Variants in UQCC1 observed in about 807,000 individuals in gnomAD.
The protein encoded by UQCC1 is bFGF-repressed Zic-binding protein.
Under a neutral mutation model 48.0 loss-of-function variants are expected in UQCC1, and 38 were observed. That is an observed-to-expected ratio of 0.79 (90% CI 0.61 to 1.04). UQCC1 has a LOEUF of 1.04. Among genes scored for constraint, UQCC1 ranks in the 50% least tolerant of loss-of-function variants. The pLI is 0.00. For synonymous variants in UQCC1, 111 were observed against 129.2 expected (o/e 0.86, Z 0.95); for missense variants, 368 against 381.8 (o/e 0.96, Z 0.30).
intron 6 of UQCC1, among the ~76,000 whole-genome samples, chr20:35,350,139 A>C (rs1165735374): frequency 6.6e-6 from 1 of 152,112 alleles, no homozygotes; most frequent in Non-Finnish European, 1.5e-5. Flanking sequence ...TTGTTTTTTT[A>C]ATTTTAGAGA....
intron 7 of UQCC1, chr20:35,346,442 G>A (rs574448501): frequency 4.8e-5 from 8 of 166,076 alleles, no homozygotes; most frequent in South Asian, 1.7e-4. Flanking sequence ...AAGAAACTCC[G>A]GACACACCAT....
intron 7 of UQCC1, among the ~76,000 whole-genome samples, chr20:35,333,635 G>C (rs1251257846): frequency 6.6e-6 from 1 of 151,170 alleles, no homozygotes; most frequent in Non-Finnish European, 1.5e-5. Context: ...CTCTCCAACA[G>C]GAACAGGGCA....
rs1192775264 is a variant in UQCC1 at position 35,397,211 on chromosome 20, G to GA, written c.25-3016dup. Among the ~76,000 whole-genome samples, 1,114 of 122,726 alleles carry GA rather than the reference G, an allele frequency of 9.1e-3. 9 individuals carry two copies. The highest frequency in any genetic ancestry group is 0.028 in the African/African-American group (916 of 32,598). The allele number at this position is 122,726 out of a possible 152,430, so 80.5% of individuals were successfully genotyped here. The stretch of plus-strand genomic sequence containing the variant: ...GGGAGACTCTGTCTCAAAAAAAAAA[G>GA]AAAAAAAAAAAAAGAAAAATCAGGC... On this transcript the variant is annotated intron_variant, in intron 1 of 9. Coordinates refer to ENST00000374385, the MANE Select transcript of UQCC1 (RefSeq NM_018244.5).
intron 1 of UQCC1, among the ~76,000 whole-genome samples, chr20:35,399,999 C>T (rs1390721434): frequency 6.9e-6 from 1 of 144,772 alleles, no homozygotes; most frequent in African/African-American, 2.6e-5. Context: ...AATCTCGGCT[C>T]ACCGCAACCT....
chr20:35,370,928 G>A (rs1009441937), intron 5 of UQCC1, among the ~76,000 whole-genome samples: 4 of 152,158 alleles, frequency 2.6e-5, no homozygotes, highest in Non-Finnish European at 4.4e-5. Context: ...GCAACCCTGG[G>A]TGAGTCACTT....
intron 7 of UQCC1, chr20:35,346,755 CAG>C: frequency 2.6e-6 from 1 of 378,462 alleles, no homozygotes; most frequent in Non-Finnish European, 4.8e-6. Flanking sequence ...TTCCTGAAGA[CAG>C]TGCAGGCCCC....
intron 7 of UQCC1, chr20:35,346,043 T>C (rs6142349): frequency 0.54 from 82,421 of 152,006 alleles, 23,382 homozygotes; most frequent in East Asian, 0.72. Flanking sequence ...CACCAATCAG[T>C]GCTCTGTGTC....
chr20:35,369,370 A>G (rs1424442087), intron 5 of UQCC1, among the ~76,000 whole-genome samples: 1 of 152,272 alleles, frequency 6.6e-6, no homozygotes, highest in Non-Finnish European at 1.5e-5. Flanking sequence ...AGTTCAATGA[A>G]ATGCATTTAA....
rs989616065 is a variant in UQCC1, at chr20:35,403,371, C to A, written c.24+8569G>T. On this transcript the variant is annotated intron_variant, in intron 1 of 9. Coordinates refer to ENST00000374385, the MANE Select transcript of UQCC1 (RefSeq NM_018244.5). ...TAGACATATATATATTTCCTACCCACGTCCTGGTAGGGCCTGCAGATGACA... is the reference window on the plus strand; with the variant it reads ...TAGACATATATATATTTCCTACCCAAGTCCTGGTAGGGCCTGCAGATGACA... Among the ~76,000 whole-genome samples, 3 of 152,136 alleles carry A rather than the reference C, an allele frequency of 2.0e-5. 1 individual carries two copies. Among genetic ancestry groups the A allele is most frequent in the Non-Finnish European group, 2.9e-5 (2 of 68,024 alleles).
chr20:35,332,338 G>A (rs751221359), intron 7 of UQCC1, among the ~76,000 whole-genome samples: 1 of 152,228 alleles, frequency 6.6e-6, no homozygotes, highest in Non-Finnish European at 1.5e-5. Context: ...GAGCTGAAAG[G>A]TCCTGAGCTC....
At chr20:35,338,963 T>C (rs1329731221) in intron 7 of UQCC1, among the ~76,000 whole-genome samples, 1 of 131,638 alleles carries the variant, frequency 7.6e-6, no homozygotes, top group African/African-American at 3.0e-5. Context: ...TCAGAACCGC[T>C]GAATAGAGAA....
chr20:35,318,247 G>C (rs900609750), intron 7 of UQCC1, among the ~76,000 whole-genome samples: 1 of 152,198 alleles, frequency 6.6e-6, no homozygotes, highest in African/African-American at 2.4e-5. Flanking sequence ...CAATACCCTT[G>C]AGGAAAGGGT....
chr20:35,376,023 G>T (rs1437056325), intron 4 of UQCC1, among the ~76,000 whole-genome samples: 1 of 151,250 alleles, frequency 6.6e-6, no homozygotes, highest in Non-Finnish European at 1.5e-5. Flanking sequence ...ATTAGGTTGG[G>T]TTGTGGTGGC....
chr20:35,338,468 T>C (rs548631911), intron 7 of UQCC1, among the ~76,000 whole-genome samples: 145 of 152,264 alleles, frequency 9.5e-4, no homozygotes, highest in African/African-American at 3.3e-3. Context: ...CTGTATGACC[T>C]TGGCCAAATC....
chr20:35,310,666 A>AAAAAAAAAT (rs1200004845), intron 8 of UQCC1, among the ~76,000 whole-genome samples: 143 of 148,430 alleles, frequency 9.6e-4, no homozygotes, highest in Non-Finnish European at 1.8e-3. Context: ...AAAAAAAAAA[A>AAAAAAAAAT]AATTGGGAAG....
chr20:35,404,321 G>A (rs187547048), intron 1 of UQCC1, among the ~76,000 whole-genome samples: 246 of 151,344 alleles, frequency 1.6e-3, no homozygotes, highest in African/African-American at 5.7e-3. Context: ...AGTGAGCCGA[G>A]ATTGCACCAC....
At chr20:35,342,338 T>A (rs531455373) in intron 7 of UQCC1, among the ~76,000 whole-genome samples, 7 of 152,362 alleles carry the variant, frequency 4.6e-5, no homozygotes, top group Non-Finnish European at 8.8e-5. Context: ...TTAGCCAGCC[T>A]AAGGTTACCA....
At chr20:35,362,505 C>T (rs2061617384) in intron 6 of UQCC1, among the ~76,000 whole-genome samples, 1 of 152,006 alleles carries the variant, frequency 6.6e-6, no homozygotes, top group Non-Finnish European at 1.5e-5. Flanking sequence ...TACAGGTGCC[C>T]GCCACCATGC....
intron 4 of UQCC1, among the ~76,000 whole-genome samples, chr20:35,376,060 C>A (rs554732336): frequency 6.6e-6 from 1 of 151,734 alleles, no homozygotes; most frequent in African/African-American, 2.4e-5. Flanking sequence ...CTAATCCCAG[C>A]ACTTTGAGAG....
Sources: gnomAD v4.1 joint callset for allele counts (sites outside exome capture counted in the v4.1 genomes callset) on GRCh38, gnomAD v4.1.1 for gene constraint, MANE v1.5 for transcripts, NCBI Gene and HGNC (gene_info 2026-07-23, HGNC 2026-07-21) for gene names.